Variants in TRMT2B observed in about 807,000 individuals in gnomAD.
TRMT2B encodes tRNA (uracil-5-)-methyltransferase homolog B.
In TRMT2B, 34 loss-of-function variants were observed where a neutral mutation model predicts 39.7. The ratio of observed to expected loss-of-function variants is 0.86; its 90% CI spans 0.65 to 1.14. The LOEUF (loss-of-function observed/expected upper bound fraction) is 1.14, where lower values mean the gene tolerates loss of function less well. Among genes scored for constraint, TRMT2B ranks in the 50% most tolerant of loss-of-function variants. The pLI is 0.00. For missense variants in TRMT2B, 318 were observed against 377.2 expected, an observed-to-expected ratio of 0.84 and a Z score of 1.30; for synonymous variants, 132 against 137.3, an observed-to-expected ratio of 0.96 and a Z score of 0.27.
chrX:101,018,257 T>A (rs2086618543), intron 13 of TRMT2B, among the ~76,000 whole-genome samples: 1 of 109,774 alleles, frequency 9.1e-6, no homozygotes, highest in African/African-American at 3.3e-5. Context: ...CAGGAGGATC[T>A]CATGAGCCCC....
the TRMT2B span, among the ~76,000 whole-genome samples, chrX:100,974,806 C>T: frequency 8.9e-6 from 1 of 111,990 alleles, no homozygotes; most frequent in East Asian, 2.8e-4. Flanking sequence ...AAGGACCAAT[C>T]AAAGAAGCCA....
chrX:100,976,889 C>T, the TRMT2B span, among the ~76,000 whole-genome samples: 1 of 112,767 alleles, frequency 8.9e-6, no homozygotes, highest in African/African-American at 3.2e-5. Flanking sequence ...TAAGCCACTG[C>T]ACCCAGCTGC....
the TRMT2B span, among the ~76,000 whole-genome samples, chrX:100,982,826 C>A: frequency 3.6e-5 from 4 of 109,893 alleles, no homozygotes; most frequent in African/African-American, 1.3e-4. Context: ...TGTATCTTAA[C>A]AAACTCACCA....
chrX:101,044,839 CA>C (rs753968399), intron 2 of TRMT2B, among the ~76,000 whole-genome samples: 1,059 of 31,013 alleles, frequency 0.034, 18 homozygotes, highest in African/African-American at 0.12. Context: ...AACTCGGTCT[CA>C]AAAAAAAAAA....
chrX:101,027,522 G>A (rs1301739645), intron 7 of TRMT2B, among the ~76,000 whole-genome samples: 3 of 109,705 alleles, frequency 2.7e-5, no homozygotes, highest in South Asian at 3.9e-4. Flanking sequence ...GATTACAGGC[G>A]TGAGCCACGG....
chrX:100,977,230 T>C, the TRMT2B span, among the ~76,000 whole-genome samples: 2 of 111,341 alleles, frequency 1.8e-5, no homozygotes, highest in South Asian at 3.8e-4. Flanking sequence ...CAACAAATTA[T>C]TGCTGACTAT....
chrX:101,035,743 G>T, intron 6 of TRMT2B, 60 bp from the exon 7 acceptor site: 3 of 1,011,172 alleles, frequency 3.0e-6, no homozygotes, highest in Non-Finnish European at 4.2e-6. Context: ...AAAAGAAAAT[G>T]CCTGGCAACT....
At chrX:100,987,373 CTT>C in the TRMT2B span, 2 of 1,208,120 alleles carry the variant, frequency 1.7e-6, no homozygotes, top group Non-Finnish European at 2.2e-6. Flanking sequence ...GCAGCCTTCT[CTT>C]CTCTTTTGTC....
At chrX:100,989,010 A>T in the TRMT2B span, among the ~76,000 whole-genome samples, 1 of 109,139 alleles carries the variant, frequency 9.2e-6, no homozygotes, top group Admixed American at 1.0e-4. Context: ...GTGTACAATA[A>T]GTAAAAGTAG....
intron 7 of TRMT2B, 70 bp downstream of exon 7, chrX:101,035,542 AT>A: frequency 1.0e-6 from 1 of 963,052 alleles, no homozygotes; most frequent in Non-Finnish European, 1.5e-6. Flanking sequence ...TATTATCAAA[AT>A]GTCAGGGATG....
At chrX:101,023,720 C>T (rs1379806300) in intron 7 of TRMT2B, 104 bp from the exon 8 acceptor site, 34 of 860,941 alleles carry the variant, frequency 3.9e-5, no homozygotes, top group Non-Finnish European at 2.2e-5. Flanking sequence ...CCCAAAAATT[C>T]CTATGTTGAA....
intron 7 of TRMT2B, among the ~76,000 whole-genome samples, chrX:101,031,651 T>C (rs1229451774): frequency 1.9e-5 from 2 of 105,487 alleles, no homozygotes; most frequent in Non-Finnish European, 3.9e-5. Flanking sequence ...GAGGTTGCAG[T>C]GAGCCAAGAT....
chrX:100,986,624 T>C, the TRMT2B span, among the ~76,000 whole-genome samples: 1 of 112,436 alleles, frequency 8.9e-6, no homozygotes, highest in Admixed American at 9.4e-5. Context: ...GGAAGTTGAC[T>C]AGAAAAATGT....
intron 7 of TRMT2B, among the ~76,000 whole-genome samples, chrX:101,024,817 T>A (rs1305942906): frequency 4.6e-5 from 5 of 108,722 alleles, no homozygotes; most frequent in South Asian, 4.1e-4. Flanking sequence ...TGAGACTCTA[T>A]CTCAAAAAAA....
At chrX:101,037,238 T>C in intron 5 of TRMT2B, 165 bp from the exon 6 acceptor site, 1 of 434,276 alleles carries the variant, frequency 2.3e-6, no homozygotes, top group Non-Finnish European at 4.0e-6. Context: ...AGACAGTCCA[T>C]AGAAGGGGAG....
chrX:101,033,137 T>A (rs1208123402), intron 7 of TRMT2B, among the ~76,000 whole-genome samples: 4 of 106,283 alleles, frequency 3.8e-5, no homozygotes, highest in Non-Finnish European at 7.7e-5. Flanking sequence ...GCCCCTATAA[T>A]CCCAGCTACT....
At chrX:100,990,760 A>T in the TRMT2B span, 1 of 456,560 alleles carries the variant, frequency 2.2e-6, no homozygotes, top group East Asian at 4.2e-5. Context: ...ATTTAGAAAT[A>T]AGTATTTTTT....
chrX:100,998,826 A>G, the TRMT2B span, among the ~76,000 whole-genome samples: 1 of 111,010 alleles, frequency 9.0e-6, no homozygotes, highest in Non-Finnish European at 1.9e-5. Context: ...CTGCTTGGCC[A>G]GTATGCTATA....
rs1228914194 is a variant in TRMT2B at position 101,023,612 on chromosome X, T to A, written c.614A>T (p.Tyr205Phe). ...TGGAGACTGTCGAAGGAATACTTCA[T>A]AGTACTAGGAAGAGAACCGAATTAT... ...PEKHSQVAQY[Y>F]EVFLRQSPLE... is the part of the protein sequence containing the mutation. Residue 205 changes from tyrosine to phenylalanine, a missense_variant, in exon 8 of 14, where the codon TAT (tyrosine) becomes TTT (phenylalanine). Coordinates refer to ENST00000372936, the MANE Select transcript of TRMT2B (RefSeq NM_024917.6). The A allele has an allele frequency of 8.3e-7, 1 of 1,202,419 alleles. No homozygotes were observed. Among genetic ancestry groups the A allele is most frequent in the Non-Finnish European group, 1.1e-6 (1 of 889,711 alleles).
Sources: allele counts gnomAD v4.1 joint callset (sites outside exome capture counted in the v4.1 genomes callset), GRCh38; gene constraint gnomAD v4.1.1; transcripts MANE v1.5; gene names NCBI Gene and HGNC (gene_info 2026-07-23, HGNC 2026-07-21).